The following DOK6 variants were observed in gnomAD, a reference collection of about 807,000 sequenced individuals.
The protein encoded by DOK6 is downstream of tyrosine kinase 6.
DOK6 carries 22 observed loss-of-function variants against 44.0 expected under a neutral mutation model. That is an observed-to-expected ratio of 0.50 (90% CI 0.36 to 0.71). DOK6 has a LOEUF of 0.71. Among genes scored for constraint, DOK6 ranks in the 30% least tolerant of loss-of-function variants. The pLI is 0.00. For synonymous variants in DOK6, 166 were observed against 145.5 expected (o/e 1.14, Z -1.01); for missense variants, 340 against 416.4 (o/e 0.82, Z 1.60).
At chr18:69,505,806 A>G (rs1981171217) in intron 1 of DOK6, among the ~76,000 whole-genome samples, 1 of 151,850 alleles carries the variant, frequency 6.6e-6, no homozygotes, top group Non-Finnish European at 1.5e-5. Flanking sequence ...CCACACTCCC[A>G]TTCTTTACTC....
At position 69,401,179 on chromosome 18, in the gene DOK6, CG is replaced by C. The variant is rs2122373178; in HGVS notation, c.-64del. 1 of 1,474,102 alleles carries C rather than the reference CG, an allele frequency of 6.8e-7. No homozygotes were observed. The highest frequency in any genetic ancestry group is 3.0e-5 in the East Asian group (1 of 33,612). 91.3% of individuals were successfully genotyped at this position (1,474,102 alleles called of 1,614,324 possible). On this transcript the variant is annotated 5_prime_UTR_variant, in exon 1 of 8. Coordinates refer to ENST00000382713, the MANE Select transcript of DOK6 (RefSeq NM_152721.6). ...GGATGCGAGACCCGCGCAGACCCGGCGGCGGACGGCGGCTCTCGACTCCGGA... is the reference window on the plus strand; with the variant it reads ...GGATGCGAGACCCGCGCAGACCCGGCGCGGACGGCGGCTCTCGACTCCGGA...
In DOK6 at chr18:69,509,465, G is replaced by A. The variant is rs572930928; in HGVS notation, c.67-55022G>A. 1.4e-4 allele frequency among the ~76,000 whole-genome samples: 21 copies of A among 151,824 alleles called. No homozygotes were observed. The South Asian group carries it at 1.5e-3, about 11-fold the overall frequency. The stretch of plus-strand genomic sequence containing the variant: ...ATCCTGGCTAACATGGTGAAACCCC[G>A]TCTCTACTAAAAAATAGAAAAAATT... On this transcript the variant is annotated intron_variant, in intron 1 of 7. Transcript: ENST00000382713.
chr18:69,646,396 C>A (rs961552487), intron 3 of DOK6, among the ~76,000 whole-genome samples: 1 of 152,106 alleles, frequency 6.6e-6, no homozygotes, highest in Non-Finnish European at 1.5e-5. Context: ...TATGATGTTA[C>A]AGTTTGCCTC....
intron 1 of DOK6, among the ~76,000 whole-genome samples, chr18:69,444,240 T>C (rs549256402): frequency 1.1e-3 from 163 of 152,304 alleles, no homozygotes; most frequent in African/African-American, 3.7e-3. Flanking sequence ...AGCACGGCAC[T>C]CATCATTGCA....
chr18:69,821,298 A>G (rs1981561740), intron 7 of DOK6, among the ~76,000 whole-genome samples: 1 of 152,138 alleles, frequency 6.6e-6, no homozygotes, highest in Non-Finnish European at 1.5e-5. Context: ...TCTATTGCAC[A>G]TTCTAACAGC....
In DOK6 at chr18:69,698,429, T is replaced by C. The variant is rs768483892; in HGVS notation, c.435T>C (p.Pro145=). The change falls in exon 5 of 8, where the codon CCT becomes CCC. Residue 145 remains proline (P), a synonymous_variant. Coordinates refer to ENST00000382713, the MANE Select transcript of DOK6 (RefSeq NM_152721.6). The part of the protein sequence containing the change: ...QNERFNVYLM[P]TPNLDIYGEC... ...AGAGATTCAACGTGTATCTTATGCC[T>C]ACACCAAACCTGGATATTTATGGTG... 3.7e-6 allele frequency: 6 copies of C among 1,613,288 alleles called. No homozygotes were observed. Among genetic ancestry groups the C allele is most frequent in the Non-Finnish European group, 5.1e-6 (6 of 1,179,604 alleles).
intron 1 of DOK6, among the ~76,000 whole-genome samples, chr18:69,505,842 A>C (rs144765109): frequency 6.6e-6 from 1 of 151,712 alleles, no homozygotes; most frequent in South Asian, 2.1e-4. Context: ...AACAAAACAA[A>C]ACAAAATCCT....
chr18:69,518,943 T>C (rs1454401468), intron 1 of DOK6, among the ~76,000 whole-genome samples: 1 of 152,090 alleles, frequency 6.6e-6, no homozygotes, highest in Non-Finnish European at 1.5e-5. Flanking sequence ...TAAAGTTATT[T>C]TCTACTGGTA....
chr18:69,485,331 G>T (rs1980544341), intron 1 of DOK6, among the ~76,000 whole-genome samples: 1 of 152,060 alleles, frequency 6.6e-6, no homozygotes, highest in African/African-American at 2.4e-5. Context: ...TCATATATAT[G>T]TATTTTTCTT....
At chr18:69,616,593 A>C (rs4405640) in intron 3 of DOK6, among the ~76,000 whole-genome samples, 2 of 152,106 alleles carry the variant, frequency 1.3e-5, no homozygotes, top group African/African-American at 4.8e-5. Context: ...CTACTTTTTT[A>C]AAAACGTTTT....
chr18:69,592,616 G>A (rs1350039051), intron 2 of DOK6, among the ~76,000 whole-genome samples: 1 of 151,974 alleles, frequency 6.6e-6, no homozygotes, highest in African/African-American at 2.4e-5. Flanking sequence ...GTATTGATTT[G>A]GATGTGAACA....
Position 69,435,108 on chromosome 18 carries a change from A to T in DOK6, c.66+33798A>T, listed in dbSNP as rs577116189. On this transcript the variant is annotated intron_variant, in intron 1 of 7. Coordinates refer to ENST00000382713, the MANE Select transcript of DOK6 (RefSeq NM_152721.6). ...GAAGGAAGGAAAGAAGGAAGAAAGA[A>T]AGATTAGTGTAGGGGATCCTGATCC... Among the ~76,000 whole-genome samples the T allele has an allele frequency of 5.9e-5, 9 of 151,748 alleles. No homozygotes were observed. The East Asian group carries it at 1.7e-3, about 29-fold the overall frequency.
chr18:69,834,569 G>A (rs1380397744), intron 7 of DOK6, among the ~76,000 whole-genome samples: 3 of 152,188 alleles, frequency 2.0e-5, no homozygotes, highest in African/African-American at 7.2e-5. Flanking sequence ...TGCTTGAGAT[G>A]ATGAATATCC....
At chr18:69,661,730 T>C (rs1327483170) in intron 3 of DOK6, 1 of 152,350 alleles carries the variant, frequency 6.6e-6, no homozygotes, top group South Asian at 2.1e-4. Context: ...AAATATAGTT[T>C]TAATTTACTG....
chr18:69,847,599 C>A lies in DOK6; in HGVS notation c.*6216C>A, dbSNP rs769473428. On this transcript the variant is annotated 3_prime_UTR_variant, in exon 8 of 8. Transcript: ENST00000382713. ...TAGTTCCAGATCATTAACTATTTTA[C>A]AGAGGGACTGAAAGCCAGGGAAAAT... 14 of 152,028 alleles carry A rather than the reference C, an allele frequency of 9.2e-5. No individual in the cohort carries two copies. Among genetic ancestry groups the A allele is most frequent in the Non-Finnish European group, 1.8e-4 (12 of 68,000 alleles). 9.4% of individuals were successfully genotyped at this position (152,028 alleles called of 1,614,324 possible). A position where few individuals can be genotyped will look rare whatever the true frequency, so the allele number is the denominator to read the frequency against.
rs149400174 is a variant in DOK6 at position 69,516,764 on chromosome 18, C to T, written c.67-47723C>T. 1.2e-3 allele frequency among the ~76,000 whole-genome samples: 190 copies of T among 152,106 alleles called. 1 individual carries two copies. The highest frequency in any genetic ancestry group is 4.2e-3 in the African/African-American group (176 of 41,478). On this transcript the variant is annotated intron_variant, in intron 1 of 7. Coordinates refer to ENST00000382713, the MANE Select transcript of DOK6 (RefSeq NM_152721.6). ...GATCTTGGCTCATTGCAACCTCTGC[C>T]TCCCTTGCTCAAGTGATTCCCCTGC...
intron 7 of DOK6, among the ~76,000 whole-genome samples, chr18:69,781,684 T>C (rs757499367): frequency 6.6e-6 from 1 of 152,238 alleles, no homozygotes; most frequent in Non-Finnish European, 1.5e-5. Context: ...TTATATAATA[T>C]TCGTTATTTT....
At chr18:69,509,466 T>C (rs1387384835) in intron 1 of DOK6, among the ~76,000 whole-genome samples, 1 of 151,690 alleles carries the variant, frequency 6.6e-6, no homozygotes, top group East Asian at 1.9e-4. Flanking sequence ...TGAAACCCCG[T>C]CTCTACTAAA....
intron 1 of DOK6, among the ~76,000 whole-genome samples, chr18:69,550,962 T>C (rs909060202): frequency 6.6e-6 from 1 of 151,852 alleles, no homozygotes; most frequent in African/African-American, 2.4e-5. Context: ...TTTTGTGTTT[T>C]TAGTAGAGAC....
Sources: gnomAD v4.1 joint callset for allele counts (sites outside exome capture counted in the v4.1 genomes callset) on GRCh38, gnomAD v4.1.1 for gene constraint, MANE v1.5 for transcripts, NCBI Gene and HGNC (gene_info 2026-07-23, HGNC 2026-07-21) for gene names.